Variants in BPNT1 observed in about 807,000 individuals in gnomAD.
BPNT1 encodes 3'(2'), 5'-bisphosphate nucleotidase 1, also known as 3'(2'),5'-bisphosphate nucleotidase 1.
In BPNT1, 28 loss-of-function variants were observed where a neutral mutation model predicts 36.9. That is an observed-to-expected ratio of 0.76 (90% CI 0.56 to 1.04). The LOEUF is 1.04. BPNT1 is among the 50% of genes least tolerant of loss of function. BPNT1 has a pLI of 0.00. For missense variants in BPNT1, 313 were observed against 372.9 expected, an observed-to-expected ratio of 0.84 and a Z score of 1.32; for synonymous variants, 119 against 130.9, an observed-to-expected ratio of 0.91 and a Z score of 0.62.
At position 220,058,386 on chromosome 1, in the gene BPNT1, AAT is replaced by A. The variant is rs138800181; in HGVS notation, c.*456_*457del. The A allele has an allele frequency of 1.1e-3, 1,047 of 968,872 alleles. 6 individuals are homozygous for A. The African/African-American group carries it at 0.017, about 16-fold the overall frequency. 60.0% of individuals were successfully genotyped at this position (968,872 alleles called of 1,614,324 possible). A position where few individuals can be genotyped will look rare whatever the true frequency, so the allele number is the denominator to read the frequency against. Reference sequence around the variant, plus strand: ...TATTTAATTCTATTTTCTATTCCTAAATATAATAACTAAATATAAATCACTGC... The same window carrying A: ...TATTTAATTCTATTTTCTATTCCTAAATAATAACTAAATATAAATCACTGC... On this transcript the variant is annotated 3_prime_UTR_variant, in exon 9 of 9. Transcript: ENST00000322067.
chr1:220,087,251 T>C (rs572061496), intron 1 of BPNT1, among the ~76,000 whole-genome samples: 6 of 152,120 alleles, frequency 3.9e-5, no homozygotes, highest in Non-Finnish European at 5.9e-5. Context: ...AATATTCTAT[T>C]GATAAATTTG....
At chr1:220,072,606 T>C (rs1225548063) in intron 4 of BPNT1, among the ~76,000 whole-genome samples, 8 of 152,106 alleles carry the variant, frequency 5.3e-5, no homozygotes, top group Non-Finnish European at 8.8e-5. Context: ...TGAGCCACCA[T>C]GCCTGTCCCT....
chr1:220,080,001 A>C, intron 1 of BPNT1, 147 bp from the exon 2 acceptor site: 1 of 827,532 alleles, frequency 1.2e-6, no homozygotes, highest in Non-Finnish European at 1.7e-6. Context: ...TATATTTACT[A>C]AAAGAGACTT....
chr1:220,066,136 A>G, intron 6 of BPNT1: 1 of 1,480,636 alleles, frequency 6.8e-7, no homozygotes, highest in Non-Finnish European at 9.0e-7. Context: ...AATGAATACA[A>G]TTTTTCTAAT....
intron 6 of BPNT1, among the ~76,000 whole-genome samples, chr1:220,065,178 C>G (rs534147265): frequency 6.6e-6 from 1 of 152,076 alleles, no homozygotes; most frequent in Non-Finnish European, 1.5e-5. Context: ...ACAGTGGACA[C>G]GAATATTTTG....
intron 1 of BPNT1, among the ~76,000 whole-genome samples, chr1:220,086,996 G>A (rs1460754425): frequency 2.7e-5 from 4 of 146,930 alleles, no homozygotes; most frequent in Non-Finnish European, 6.0e-5. Context: ...GCAGTGAGCC[G>A]AGATGGTGCC....
chr1:220,078,609 T>A (rs866339399), intron 2 of BPNT1, among the ~76,000 whole-genome samples: 13 of 147,180 alleles, frequency 8.8e-5, no homozygotes, highest in Admixed American at 4.2e-4. Flanking sequence ...ATATATATAT[T>A]TTTTTGAGAT....
intron 6 of BPNT1, among the ~76,000 whole-genome samples, chr1:220,065,914 G>A (rs765407564): frequency 7.9e-5 from 12 of 152,180 alleles, no homozygotes; most frequent in Non-Finnish European, 1.3e-4. Context: ...TAAACAGAGT[G>A]TCCAGAAGGG....
Position 220,058,485 on chromosome 1 carries a change from T to C in BPNT1, c.*359A>G. The C allele has an allele frequency of 1.1e-5, 11 of 986,876 alleles. No individual in the cohort carries two copies. The highest frequency in any genetic ancestry group is 1.3e-5 in the Non-Finnish European group (11 of 827,530). The allele number at this position is 986,876 out of a possible 1,614,324, so 61.1% of individuals were successfully genotyped here. ...AAAATGTATTATTTTGAGAACCAAGTCTTTCTCCTAGCTAAGTAAATGAAA... is the reference window on the plus strand; with the variant it reads ...AAAATGTATTATTTTGAGAACCAAGCCTTTCTCCTAGCTAAGTAAATGAAA... On this transcript the variant is annotated 3_prime_UTR_variant, in exon 9 of 9. Transcript: ENST00000322067.
At chr1:220,061,979 T>G (rs1297797564) in intron 7 of BPNT1, among the ~76,000 whole-genome samples, 1 of 151,400 alleles carries the variant, frequency 6.6e-6, no homozygotes, top group Admixed American at 6.6e-5. Flanking sequence ...GAAAATAAGG[T>G]CTTTGGCAAG....
At position 220,067,324 on chromosome 1, in the gene BPNT1, T is replaced by C; in HGVS notation, c.452A>G (p.Asn151Ser). ...YEGKAIAGVI[N>S]QPYYNYEAGP... ...TACCTCATAGTTGTAATATGGCTGGTTAATAACTCCTGCTATGGCTTTTCC... is the reference window on the plus strand; with the variant it reads ...TACCTCATAGTTGTAATATGGCTGGCTAATAACTCCTGCTATGGCTTTTCC... Residue 151 changes from asparagine to serine, a missense_variant, in exon 6 of 9, where the codon AAC (asparagine) becomes AGC (serine). Coordinates refer to ENST00000322067, the MANE Select transcript of BPNT1 (RefSeq NM_006085.6). The C allele has an allele frequency of 6.2e-7, 1 of 1,606,610 alleles. No individual in the cohort carries two copies. Among genetic ancestry groups the C allele is most frequent in the East Asian group, 2.2e-5 (1 of 44,526 alleles).
At chr1:220,077,963 A>G (rs1664705123) in intron 2 of BPNT1, among the ~76,000 whole-genome samples, 1 of 151,988 alleles carries the variant, frequency 6.6e-6, no homozygotes, top group Non-Finnish European at 1.5e-5. Context: ...GATCACTTGA[A>G]GCCAGGAGTT....
intron 2 of BPNT1, among the ~76,000 whole-genome samples, chr1:220,076,794 T>A (rs1291974089): frequency 6.6e-6 from 1 of 151,942 alleles, no homozygotes; most frequent in East Asian, 1.9e-4. Context: ...ATGTCTGTAG[T>A]CAACTAAAAT....
intron 1 of BPNT1, among the ~76,000 whole-genome samples, chr1:220,082,560 T>C (rs1012412524): frequency 3.9e-5 from 6 of 152,046 alleles, no homozygotes; most frequent in South Asian, 4.2e-4. Context: ...GAATATTTGA[T>C]TTGATGTTTT....
chr1:220,080,270 A>G (rs1218625590), intron 1 of BPNT1, among the ~76,000 whole-genome samples: 1 of 152,260 alleles, frequency 6.6e-6, no homozygotes, highest in Non-Finnish European at 1.5e-5. Context: ...CCTAACGTCT[A>G]TAACATAAAA....
At chr1:220,073,907 T>C in intron 3 of BPNT1, 60 bp downstream of exon 3, 1 of 1,356,240 alleles carries the variant, frequency 7.4e-7, no homozygotes, top group Non-Finnish European at 1.1e-6. Context: ...CATTAAAGTG[T>C]CAGTTATAAA....
chr1:220,078,384 A>G (rs1354353934), intron 2 of BPNT1, among the ~76,000 whole-genome samples: 1 of 143,310 alleles, frequency 7.0e-6, no homozygotes, highest in African/African-American at 2.5e-5. Context: ...ATTATATAGA[A>G]TTATTATAAT....
intron 7 of BPNT1, among the ~76,000 whole-genome samples, chr1:220,060,215 C>T (rs984291241): frequency 1.3e-5 from 2 of 152,132 alleles, no homozygotes; most frequent in Admixed American, 6.6e-5. Flanking sequence ...GTGGCTCACT[C>T]CTGTAATGCC....
chr1:220,077,052 A>C (rs1383298881), intron 2 of BPNT1, among the ~76,000 whole-genome samples: 1 of 152,156 alleles, frequency 6.6e-6, no homozygotes, highest in African/African-American at 2.4e-5. Context: ...ATATTTTTTA[A>C]AACTGTATGT....
Sources: gnomAD v4.1 joint callset for allele counts (sites outside exome capture counted in the v4.1 genomes callset) on GRCh38, gnomAD v4.1.1 for gene constraint, MANE v1.5 for transcripts, NCBI Gene and HGNC (gene_info 2026-07-23, HGNC 2026-07-21) for gene names.